Variants in TTLL5 observed in about 807,000 individuals in gnomAD.
TTLL5 encodes the protein tubulin polyglutamylase TTLL5.
In TTLL5, 132 loss-of-function variants were observed where a neutral mutation model predicts 168.4. The ratio of observed to expected loss-of-function variants is 0.78; its 90% CI spans 0.68 to 0.91. The LOEUF (loss-of-function observed/expected upper bound fraction) is 0.91, where lower values mean the gene tolerates loss of function less well. Ranked by LOEUF, TTLL5 falls within the 40% of genes least tolerant of loss-of-function variation. The pLI is 0.00. For synonymous variants in TTLL5, 546 were observed against 558.6 expected, an observed-to-expected ratio of 0.98 and a Z score of 0.32; for missense variants, 1,545 against 1,581.5, an observed-to-expected ratio of 0.98 and a Z score of 0.39.
intron 3 of TTLL5, among the ~76,000 whole-genome samples, chr14:75,678,473 G>A (rs890969316): frequency 6.6e-6 from 1 of 152,056 alleles, no homozygotes; most frequent in Non-Finnish European, 1.5e-5. Context: ...TTCCAATTTA[G>A]TCTTCTATAG....
intron 31 of TTLL5, among the ~76,000 whole-genome samples, chr14:75,912,099 G>A (rs764327353): frequency 6.6e-5 from 10 of 152,106 alleles, no homozygotes; most frequent in Admixed American, 1.3e-4. Context: ...TGGCTCCTCC[G>A]CAGCCAGCTT....
chr14:75,817,877 G>T (rs1204621621), intron 27 of TTLL5, among the ~76,000 whole-genome samples: 4 of 118,674 alleles, frequency 3.4e-5, no homozygotes, highest in Non-Finnish European at 4.8e-5. Flanking sequence ...TCACTCTGTC[G>T]CCCAGGCTGG....
intron 20 of TTLL5, among the ~76,000 whole-genome samples, chr14:75,769,994 C>T (rs540107470): frequency 5.2e-4 from 79 of 151,838 alleles, no homozygotes; most frequent in Non-Finnish European, 5.7e-4. Context: ...ACCTGATCAA[C>T]ATGGTGAAAC....
At chr14:75,730,976 C>T (rs544291448) in intron 12 of TTLL5, among the ~76,000 whole-genome samples, 1 of 152,086 alleles carries the variant, frequency 6.6e-6, no homozygotes, top group African/African-American at 2.4e-5. Flanking sequence ...CCTCGGCCTC[C>T]CAAAGTGCTG....
chr14:75,794,293 T>C (rs1417693480), intron 27 of TTLL5, among the ~76,000 whole-genome samples: 1 of 152,014 alleles, frequency 6.6e-6, no homozygotes, highest in Non-Finnish European at 1.5e-5. Context: ...TAAGATATGA[T>C]GGGAAGGAAT....
rs1158282 is a variant in TTLL5, at chr14:75,706,573, G to T, written c.586-445G>T. Among the ~76,000 whole-genome samples, 687 of 152,094 alleles carry T rather than the reference G, an allele frequency of 4.5e-3. 17 individuals are homozygous for T. Among genetic ancestry groups the T allele is most frequent in the Admixed American group, 0.04 (616 of 15,280 alleles). On this transcript the variant is annotated intron_variant, in intron 7 of 31. Transcript: ENST00000298832. ...AAATGCTAGGATCCATTGTGGATCT[G>T]TAAGTTCTCCAAACATGTTAATGAA...
At chr14:75,906,285 T>C in intron 31 of TTLL5, among the ~76,000 whole-genome samples, 1 of 152,324 alleles carries the variant, frequency 6.6e-6, no homozygotes, top group Non-Finnish European at 1.5e-5. Context: ...TTGGAGCTCC[T>C]GGGTGGATCT....
At chr14:75,717,840 A>G (rs1012311930) in intron 9 of TTLL5, 21 bp from the exon 10 acceptor site, 1 of 1,610,628 alleles carries the variant, frequency 6.2e-7, no homozygotes. Context: ...CCTGGCATTT[A>G]ACCTGTTTCC....
intron 27 of TTLL5, among the ~76,000 whole-genome samples, chr14:75,800,865 G>A (rs1893266746): frequency 6.6e-6 from 1 of 152,184 alleles, no homozygotes; most frequent in South Asian, 2.1e-4. Flanking sequence ...CTGATCTGGT[G>A]GAGGTAGCAG....
At chr14:75,706,077 T>C (rs969327040) in intron 7 of TTLL5, among the ~76,000 whole-genome samples, 1 of 152,198 alleles carries the variant, frequency 6.6e-6, no homozygotes, top group South Asian at 2.1e-4. Flanking sequence ...CCCTCCTTTC[T>C]ACTGGGCTTG....
intron 31 of TTLL5, among the ~76,000 whole-genome samples, chr14:75,946,419 G>A (rs1172178479): frequency 6.6e-6 from 1 of 152,184 alleles, no homozygotes; most frequent in Non-Finnish European, 1.5e-5. Flanking sequence ...ATGAGATAGA[G>A]AATAAATCCA....
intron 3 of TTLL5, among the ~76,000 whole-genome samples, chr14:75,672,080 G>T (rs1444022563): frequency 6.6e-6 from 1 of 152,124 alleles, no homozygotes; most frequent in Non-Finnish European, 1.5e-5. Flanking sequence ...TCATGAAAAG[G>T]TGTTAGTCAA....
intron 27 of TTLL5, among the ~76,000 whole-genome samples, chr14:75,811,151 G>C (rs1017150107): frequency 8.6e-6 from 1 of 116,216 alleles, no homozygotes; most frequent in African/African-American, 3.6e-5. Context: ...GGGAATGAAA[G>C]AAAGAGTGTG....
chr14:75,940,374 C>T (rs930438981), intron 31 of TTLL5, among the ~76,000 whole-genome samples: 3 of 151,980 alleles, frequency 2.0e-5, no homozygotes, highest in East Asian at 1.9e-4. Flanking sequence ...CCACCGCGCC[C>T]GGCCGAAATT....
At chr14:75,773,957 AAGAGAGAGAGAGAGAG>A (rs1166420551) in intron 21 of TTLL5, among the ~76,000 whole-genome samples, 28 of 43,340 alleles carry the variant, frequency 6.5e-4, no homozygotes, top group Admixed American at 2.9e-3. Context: ...GAGAGAGAGA[AAGAGAGAGAGAGAGAG>A]AGAGAGAGAG....
chr14:75,694,753 T>C (rs1201440234), intron 6 of TTLL5, among the ~76,000 whole-genome samples: 2 of 152,224 alleles, frequency 1.3e-5, no homozygotes, highest in African/African-American at 4.8e-5. Flanking sequence ...ACTTTTATAA[T>C]TTCTTACGCC....
In TTLL5 at chr14:75,779,660, T is replaced by G. The variant is rs1355394866; in HGVS notation, c.2473T>G (p.Ser825Ala). 6.2e-7 allele frequency: 1 copy of G among 1,613,542 alleles called. No homozygotes were observed. Among genetic ancestry groups the G allele is most frequent in the African/African-American group, 1.3e-5 (1 of 74,862 alleles). The stretch of plus-strand genomic sequence containing the variant: ...CTTCCTGGGGACTCACTCTAAAATT[T>G]CTAAGAACAACAACAATTATTCTGA... ...SVFLGTHSKI[S>A]KNNNNYSDSG... The change falls in exon 24 of 32, where the codon TCT becomes GCT. Residue 825 changes from serine (S) to alanine (A), a missense_variant. Transcript: ENST00000298832.
chr14:75,863,619 G>A (rs1415432769), intron 28 of TTLL5, 48 bp from the exon 29 acceptor site: 2 of 1,523,622 alleles, frequency 1.3e-6, no homozygotes, highest in Non-Finnish European at 1.8e-6. Flanking sequence ...CCTCTAGATT[G>A]TTCATACAGC....
intron 18 of TTLL5, among the ~76,000 whole-genome samples, chr14:75,763,101 T>C (rs1208783431): frequency 2.0e-5 from 3 of 152,174 alleles, no homozygotes; most frequent in Admixed American, 6.5e-5. Flanking sequence ...CATATAGTTA[T>C]CAAATTTGAC....
Sources: gnomAD v4.1 joint callset for allele counts (sites outside exome capture counted in the v4.1 genomes callset) on GRCh38, gnomAD v4.1.1 for gene constraint, MANE v1.5 for transcripts, NCBI Gene and HGNC (gene_info 2026-07-23, HGNC 2026-07-21) for gene names.